The following LMBR1 variants were observed in gnomAD, a reference collection of about 807,000 sequenced individuals.
LMBR1 encodes limb development membrane protein 1.
LMBR1 carries 52 observed loss-of-function variants against 73.9 expected under a neutral mutation model. The observed-to-expected ratio is 0.70, with a 90% CI of 0.56 to 0.89. LMBR1 has a LOEUF of 0.89. Ranked by LOEUF, LMBR1 falls within the 40% of genes least tolerant of loss-of-function variation. The pLI, the probability that LMBR1 is intolerant of heterozygous loss-of-function variation, is 0.00. For synonymous variants in LMBR1, 215 were observed against 209.4 expected (o/e 1.03, Z -0.23); for missense variants, 539 against 579.8 (o/e 0.93, Z 0.72).
At chr7:156,833,905 C>T in intron 2 of LMBR1, 113 bp from the exon 3 acceptor site, 1 of 681,592 alleles carries the variant, frequency 1.5e-6, no homozygotes, top group East Asian at 2.9e-5. Flanking sequence ...TGAACAGAAA[C>T]AATTTTCAAA....
At chr7:156,891,211 A>AAAAAAAAAAAAAAAATATAT (rs1802875174) in intron 1 of LMBR1, among the ~76,000 whole-genome samples, 1 of 81,488 alleles carries the variant, frequency 1.2e-5, no homozygotes, top group African/African-American at 5.2e-5. Context: ...AAAAAAAAAA[A>AAAAAAAAAAAAAAAATATAT]ATATATATAT....
At chr7:156,869,089 A>G (rs1268352211) in intron 1 of LMBR1, among the ~76,000 whole-genome samples, 1 of 152,202 alleles carries the variant, frequency 6.6e-6, no homozygotes, top group East Asian at 1.9e-4. Flanking sequence ...GTTCTTTCTA[A>G]AAATTATTTT....
At chr7:156,779,176 T>C (rs905380765) in intron 5 of LMBR1, among the ~76,000 whole-genome samples, 3 of 152,186 alleles carry the variant, frequency 2.0e-5, no homozygotes, top group African/African-American at 4.8e-5. Context: ...TTATGTCATA[T>C]ATCACCAGGA....
At chr7:156,807,067 T>C (rs1315917583) in intron 4 of LMBR1, among the ~76,000 whole-genome samples, 2 of 152,112 alleles carry the variant, frequency 1.3e-5, no homozygotes, top group Non-Finnish European at 2.9e-5. Context: ...TAAAATCACA[T>C]GGATTGGCAT....
intron 3 of LMBR1, among the ~76,000 whole-genome samples, chr7:156,829,799 C>T (rs1429448866): frequency 6.6e-6 from 1 of 152,166 alleles, no homozygotes; most frequent in Non-Finnish European, 1.5e-5. Flanking sequence ...ATTCTCCTAT[C>T]TGTCAACCTC....
At chr7:156,888,243 T>C (rs371385080) in intron 1 of LMBR1, among the ~76,000 whole-genome samples, 29 of 151,908 alleles carry the variant, frequency 1.9e-4, no homozygotes, top group African/African-American at 6.8e-4. Context: ...ACCCCGTCTC[T>C]ACTAAAAATA....
At position 156,854,320 on chromosome 7, in the gene LMBR1, C is replaced by T. The variant is rs554376770; in HGVS notation, c.67-17435G>A. On this transcript the variant is annotated intron_variant, in intron 1 of 16. Transcript: ENST00000353442. ...TTACTAGAGGATCAGTGTGGACTAA[C>T]TAGAGAGAGAAAAACTCCAGAAGTC... Among the ~76,000 whole-genome samples the T allele has an allele frequency of 3.3e-5, 5 of 152,312 alleles. No individual in the cohort carries two copies. The South Asian group carries it at 6.2e-4, about 19-fold the overall frequency.
chr7:156,676,621 G>T (rs746501649), downstream of LMBR1: 1 of 1,613,938 alleles, frequency 6.2e-7, no homozygotes, highest in South Asian at 1.1e-5. Context: ...CCTCTCTGCC[G>T]CTCCTGCTAC....
intron 4 of LMBR1, among the ~76,000 whole-genome samples, chr7:156,798,613 C>A (rs971058893): frequency 2.6e-5 from 4 of 152,190 alleles, no homozygotes; most frequent in African/African-American, 9.7e-5. Flanking sequence ...GCCTGCTCAA[C>A]AGCATTTTCT....
chr7:156,828,473 C>A (rs139024843), intron 3 of LMBR1, among the ~76,000 whole-genome samples: 43 of 152,198 alleles, frequency 2.8e-4, no homozygotes, highest in African/African-American at 1.0e-3. Context: ...AAGTGTTTCC[C>A]CAAATATCTG....
chr7:156,835,343 C>T (rs1837426276), intron 2 of LMBR1, among the ~76,000 whole-genome samples: 1 of 152,050 alleles, frequency 6.6e-6, no homozygotes, highest in Non-Finnish European at 1.5e-5. Context: ...CCAAAGGGAC[C>T]ACAAAAGAAC....
intron 1 of LMBR1, among the ~76,000 whole-genome samples, chr7:156,875,869 C>T (rs936549879): frequency 5.4e-5 from 8 of 148,748 alleles, no homozygotes; most frequent in African/African-American, 1.7e-4. Flanking sequence ...CTCTTTAAAG[C>T]ATAATTCTCA....
chr7:156,884,187 C>A (rs1386839399), intron 1 of LMBR1, among the ~76,000 whole-genome samples: 2 of 152,194 alleles, frequency 1.3e-5, no homozygotes, highest in Admixed American at 1.3e-4. Flanking sequence ...CAGCCCCTGA[C>A]ATCTGGGAGC....
At chr7:156,801,303 G>A (rs183314068) in intron 4 of LMBR1, among the ~76,000 whole-genome samples, 21 of 152,146 alleles carry the variant, frequency 1.4e-4, no homozygotes, top group African/African-American at 5.1e-4. Flanking sequence ...AAAGATTACA[G>A]CTCACTAAAG....
intron 1 of LMBR1, among the ~76,000 whole-genome samples, chr7:156,888,752 C>G (rs1249814947): frequency 6.6e-6 from 1 of 151,258 alleles, no homozygotes; most frequent in African/African-American, 2.4e-5. Context: ...AACCCCATCT[C>G]TACAAAAAAT....
chr7:156,756,836 G>A (rs891837373), intron 8 of LMBR1, among the ~76,000 whole-genome samples: 7 of 151,998 alleles, frequency 4.6e-5, no homozygotes, highest in African/African-American at 1.7e-4. Context: ...GTTTGTTTGA[G>A]ACAGTCTCAC....
intron 5 of LMBR1, among the ~76,000 whole-genome samples, chr7:156,792,550 T>C (rs556340019): frequency 1.3e-5 from 2 of 152,320 alleles, no homozygotes; most frequent in South Asian, 2.1e-4. Context: ...AGTAAGGGAA[T>C]AGCAAGGAGA....
At chr7:156,817,012 C>T (rs1021772128) in intron 4 of LMBR1, among the ~76,000 whole-genome samples, 10 of 152,040 alleles carry the variant, frequency 6.6e-5, no homozygotes, top group African/African-American at 2.4e-4. Context: ...AAAAATTCAG[C>T]AACACTATAA....
At position 156,723,918 on chromosome 7, in the gene LMBR1, G is replaced by A. The variant is rs1815153206; in HGVS notation, c.1225+194C>T. On this transcript the variant is annotated intron_variant, in intron 15 of 16. Transcript: ENST00000353442. ...ATGCTTTTAAGTGTTTAAAAAATAAGTAGTCATTATTTGATAAAAGTATTT... is the reference window on the plus strand; with the variant it reads ...ATGCTTTTAAGTGTTTAAAAAATAAATAGTCATTATTTGATAAAAGTATTT... Among the ~76,000 whole-genome samples the A allele has an allele frequency of 3.3e-5, 5 of 152,094 alleles. No individual in the cohort carries two copies. In the South Asian group the frequency reaches 1.0e-3, roughly 31 times the overall value.
Sources: allele counts gnomAD v4.1 joint callset (sites outside exome capture counted in the v4.1 genomes callset), GRCh38; gene constraint gnomAD v4.1.1; transcripts MANE v1.5; gene names NCBI Gene and HGNC (gene_info 2026-07-23, HGNC 2026-07-21).